SMAP1: variants seen among roughly 807,000 people sequenced by gnomAD.
The protein encoded by SMAP1 is small ArfGAP 1, also known as stromal membrane-associated protein 1.
Under a neutral mutation model 58.5 loss-of-function variants are expected in SMAP1, and 24 were observed. That is an observed-to-expected ratio of 0.41 (90% CI 0.30 to 0.58). SMAP1 has a LOEUF of 0.58. SMAP1 is among the 20% of genes least tolerant of loss of function. The pLI, the probability that SMAP1 is intolerant of heterozygous loss-of-function variation, is 0.29. For synonymous variants in SMAP1, 216 were observed against 196.6 expected, an observed-to-expected ratio of 1.10 and a Z score of -0.82; for missense variants, 563 against 566.3, an observed-to-expected ratio of 0.99 and a Z score of 0.06.
chr6:70,698,939 T>C (rs1489364524), intron 1 of SMAP1, among the ~76,000 whole-genome samples: 1 of 152,208 alleles, frequency 6.6e-6, no homozygotes, highest in South Asian at 2.1e-4. Context: ...TTGGATGGTC[T>C]TGATGCTTGT....
chr6:70,732,471 A>G lies in SMAP1; in HGVS notation c.212A>G (p.Lys71Arg). The G allele has an allele frequency of 6.2e-7, 1 of 1,612,468 alleles. No individual in the cohort carries two copies. The highest frequency in any genetic ancestry group is 8.5e-7 in the Non-Finnish European group (1 of 1,178,954). Residue 71 changes from lysine to arginine, a missense_variant, in exon 2 of 11, where the codon AAA becomes AGA. Transcript: ENST00000370455. ...RNLGVHISRV[K>R]SVNLDQWTAE... ...CTTGGGGTTCATATATCCAGGGTCA[A>G]ATCAGTCAACCTAGACCAATGGACA...
At chr6:70,732,885 T>A (rs1042288701) in intron 2 of SMAP1, among the ~76,000 whole-genome samples, 2 of 152,174 alleles carry the variant, frequency 1.3e-5, no homozygotes, top group African/African-American at 4.8e-5. Flanking sequence ...CTTGAGTAAT[T>A]TCCTTTCTGT....
chr6:70,696,874 T>A (rs1372843088), intron 1 of SMAP1, among the ~76,000 whole-genome samples: 2 of 152,230 alleles, frequency 1.3e-5, no homozygotes, highest in Non-Finnish European at 2.9e-5. Context: ...GGTATATCTT[T>A]GTCTTTAGCT....
intron 1 of SMAP1, among the ~76,000 whole-genome samples, chr6:70,718,546 G>A (rs1219676425): frequency 2.0e-5 from 3 of 152,168 alleles, no homozygotes; most frequent in Non-Finnish European, 4.4e-5. Flanking sequence ...TTGGGGCTGA[G>A]CATGGTGGCT....
intron 2 of SMAP1, among the ~76,000 whole-genome samples, chr6:70,737,892 G>A (rs773378864): frequency 6.6e-6 from 1 of 151,896 alleles, no homozygotes; most frequent in Non-Finnish European, 1.5e-5. Context: ...TTCCTGTTTC[G>A]CTTTAAAATT....
rs149110608 is a variant in SMAP1 at position 70,740,566 on chromosome 6, T to C, written c.252+8055T>C. On this transcript the variant is annotated intron_variant, in intron 2 of 10. Coordinates refer to ENST00000370455, the MANE Select transcript of SMAP1 (RefSeq NM_001044305.3). ...ATCTGGACCATCTCCTTTTGTATTA[T>C]CTCTGTTATACCTGTCCTGCTCAAT... Among the ~76,000 whole-genome samples, 954 of 152,318 alleles carry C rather than the reference T, an allele frequency of 6.3e-3. 6 individuals carry two copies. Among genetic ancestry groups the C allele is most frequent in the African/African-American group, 0.022 (912 of 41,580 alleles).
chr6:70,828,134 A>G (rs558389235), intron 6 of SMAP1, among the ~76,000 whole-genome samples: 2 of 152,258 alleles, frequency 1.3e-5, no homozygotes, highest in Non-Finnish European at 2.9e-5. Context: ...CTATCAATCT[A>G]TATAGGAATA....
chr6:70,740,560 G>T (rs1215017042), intron 2 of SMAP1, among the ~76,000 whole-genome samples: 1 of 150,416 alleles, frequency 6.6e-6, no homozygotes, highest in African/African-American at 2.4e-5. Context: ...ATCTCCTTTT[G>T]TATTATCTCT....
In SMAP1 at chr6:70,770,455, T is replaced by C. The variant is rs989763285; in HGVS notation, c.339-2895T>C. Among the ~76,000 whole-genome samples, 3 of 152,208 alleles carry C rather than the reference T, an allele frequency of 2.0e-5. No homozygotes were observed. In the East Asian group the frequency reaches 5.8e-4, roughly 29 times the overall value. On this transcript the variant is annotated intron_variant, in intron 3 of 10. Transcript: ENST00000370455. The stretch of plus-strand genomic sequence containing the variant: ...TGGAGACTTTGTTCGTTTCTTTTTA[T>C]TCTTTTTTCTCTAAACTTCCCTTCT...
intron 1 of SMAP1, among the ~76,000 whole-genome samples, chr6:70,684,221 G>A (rs1216179390): frequency 1.3e-5 from 2 of 152,188 alleles, no homozygotes; most frequent in Non-Finnish European, 2.9e-5. Flanking sequence ...GGAACAAATG[G>A]TTATCTCTAT....
Position 70,773,422 on chromosome 6 carries a change from A to C in SMAP1, c.411A>C (p.Thr137=). The change falls in exon 4 of 11, where the codon ACA becomes ACC. Residue 137 remains threonine, a synonymous_variant. Coordinates refer to ENST00000370455, the MANE Select transcript of SMAP1 (RefSeq NM_001044305.3). ...ACGATAAAAATGCCATAGCTATTAC[A>C]AATGTAAGTAAAACCTTCATCTCTC... is the stretch of plus-strand genomic sequence containing the variant. The part of the protein sequence containing the change: ...KYYDKNAIAI[T]NISSSDAPLQ... 6.6e-7 allele frequency: 1 copy of C among 1,526,146 alleles called. No homozygotes were observed. The highest frequency in any genetic ancestry group is 9.0e-7 in the Non-Finnish European group (1 of 1,112,578). 94.5% of individuals were successfully genotyped at this position (1,526,146 alleles called of 1,614,324 possible).
chr6:70,789,880 A>G (rs1359301516), intron 4 of SMAP1, among the ~76,000 whole-genome samples: 1 of 152,068 alleles, frequency 6.6e-6, no homozygotes, highest in Non-Finnish European at 1.5e-5. Flanking sequence ...TTGTTGTTAA[A>G]TTACTGATAC....
intron 4 of SMAP1, 98 bp downstream of exon 4, chr6:70,773,523 A>T (rs529950854): frequency 4.6e-6 from 3 of 656,854 alleles, no homozygotes; most frequent in East Asian, 3.1e-5. Context: ...AAAACATACT[A>T]GTTGTATATA....
intron 7 of SMAP1, among the ~76,000 whole-genome samples, chr6:70,846,339 G>T (rs1010537266): frequency 6.6e-6 from 1 of 152,078 alleles, no homozygotes. Context: ...CTTAATCCAC[G>T]CATTGAATTA....
chr6:70,674,696 G>C (rs540944868), intron 1 of SMAP1, among the ~76,000 whole-genome samples: 15 of 152,234 alleles, frequency 9.9e-5, no homozygotes, highest in Admixed American at 2.6e-4. Flanking sequence ...TTTGGATGCC[G>C]GGTGCAGTGG....
chr6:70,667,914 G>T lies in SMAP1; in HGVS notation c.-110G>T, dbSNP rs1766091281. ...TTCCAGCTGCCGCTGCCGCTTCCTG[G>T]GCTGAGTCCGCCCGCGGTCCCGGCG... On this transcript the variant is annotated 5_prime_UTR_variant, in exon 1 of 11. Coordinates refer to ENST00000370455, the MANE Select transcript of SMAP1 (RefSeq NM_001044305.3). The T allele has an allele frequency of 1.1e-6, 1 of 896,870 alleles. No homozygotes were observed. The highest frequency in any genetic ancestry group is 3.0e-5 in the Admixed American group (1 of 33,302). The allele number at this position is 896,870 out of a possible 1,614,324, so 55.6% of individuals were successfully genotyped here. A position where few individuals can be genotyped will look rare whatever the true frequency, so the allele number is the denominator to read the frequency against.
intron 2 of SMAP1, among the ~76,000 whole-genome samples, chr6:70,745,288 A>AG (rs1460512656): frequency 1.3e-5 from 2 of 152,188 alleles, no homozygotes; most frequent in Non-Finnish European, 2.9e-5. Context: ...GTTTTCTTAT[A>AG]GGGTTTTTAT....
At chr6:70,807,421 A>C (rs1207331173) in intron 6 of SMAP1, among the ~76,000 whole-genome samples, 1 of 152,220 alleles carries the variant, frequency 6.6e-6, no homozygotes, top group Non-Finnish European at 1.5e-5. Flanking sequence ...ACCAGTAGAA[A>C]ATTGTGTGTA....
chr6:70,857,922 G>T lies in SMAP1; in HGVS notation c.962G>T (p.Gly321Val). The change falls in exon 10 of 11, where the codon GGT (glycine) becomes GTT (valine). Residue 321 changes from glycine to valine, a missense_variant and splice_region_variant. Coordinates refer to ENST00000370455, the MANE Select transcript of SMAP1 (RefSeq NM_001044305.3). ...TGTIQQQSTP[G>V]VFMGPTNIPF... is the part of the protein sequence containing the mutation. Reference sequence around the variant, plus strand: ...CATTCATTTTCTTTTTGTGGTGCAGGTGTATTTATGGGACCCACAAATATA... The same window carrying T: ...CATTCATTTTCTTTTTGTGGTGCAGTTGTATTTATGGGACCCACAAATATA... The T allele has an allele frequency of 3.7e-6, 6 of 1,613,504 alleles. No homozygotes were observed. Among genetic ancestry groups the T allele is most frequent in the Non-Finnish European group, 3.4e-6 (4 of 1,179,650 alleles).
Sources: allele counts gnomAD v4.1 joint callset (sites outside exome capture counted in the v4.1 genomes callset), GRCh38; gene constraint gnomAD v4.1.1; transcripts MANE v1.5; gene names NCBI Gene and HGNC (gene_info 2026-07-23, HGNC 2026-07-21).